TMEM273: variants seen among roughly 807,000 people sequenced by gnomAD.
The protein encoded by TMEM273 is transmembrane protein 273.
A neutral mutation model predicts 17.9 loss-of-function variants in TMEM273; 19 were observed. The ratio of observed to expected loss-of-function variants is 1.06; its 90% confidence interval spans 0.74 to 1.55. The LOEUF (loss-of-function observed/expected upper bound fraction) is 1.55. Among genes scored for constraint, TMEM273 ranks in the 40% most tolerant of loss-of-function variants. The probability of loss-of-function intolerance (pLI) is 0.00; values close to 1 mark genes in which losing one functional copy is unlikely to be tolerated. For synonymous variants in TMEM273, 66 were observed against 62.0 expected (o/e 1.07, Z -0.31); for missense variants, 194 against 155.6 (o/e 1.25, Z -1.31).
chr10:49,167,765 G>T, intron 2 of TMEM273, 144 bp downstream of exon 2: 2 of 994,932 alleles, frequency 2.0e-6, no homozygotes, highest in Non-Finnish European at 3.0e-6. Context: ...CAGCTGCTCT[G>T]GGGGACCTGG....
intron 4 of TMEM273, 83 bp from the exon 5 acceptor site, chr10:49,165,366 G>A (rs991202939): frequency 9.1e-6 from 14 of 1,545,716 alleles, no homozygotes; most frequent in African/African-American, 1.4e-5. Context: ...TGGGCTCTGT[G>A]CAGAAGAGCA....
chr10:49,173,544 C>T lies in TMEM273; in HGVS notation c.44-5582G>A, dbSNP rs538596836. Among the ~76,000 whole-genome samples, 4 of 152,316 alleles carry T rather than the reference C, an allele frequency of 2.6e-5. No individual in the cohort carries two copies. The East Asian group carries it at 7.7e-4, about 29-fold the overall frequency. ...CCTTCAAAGCCACTCCTCTGAAAGT[C>T]CCCCTTGCTCTCGTCAGTCCAGGAT... is the stretch of plus-strand genomic sequence containing the variant. On this transcript the variant is annotated intron_variant, in intron 1 of 6. Coordinates refer to ENST00000374153, the MANE Select transcript of TMEM273 (RefSeq NM_001288740.3).
intron 1 of TMEM273, among the ~76,000 whole-genome samples, chr10:49,183,821 T>A (rs1847501402): frequency 1.3e-5 from 2 of 152,228 alleles, no homozygotes; most frequent in South Asian, 4.1e-4. Context: ...AGTGAAATTT[T>A]ATCACACTTT....
intron 4 of TMEM273, 71 bp from the exon 5 acceptor site, chr10:49,165,354 C>T (rs925813609): frequency 3.0e-5 from 46 of 1,549,272 alleles, no homozygotes; most frequent in African/African-American, 2.5e-4. Flanking sequence ...TCCCTGAGGA[C>T]GTGGGCTCTG....
At position 49,166,945 on chromosome 10, in the gene TMEM273, C is replaced by T; in HGVS notation, c.162G>A (p.Leu54=). Residue 54 remains leucine, a synonymous_variant, in exon 3 of 7, where the codon CTG becomes CTA. Coordinates refer to ENST00000374153, the MANE Select transcript of TMEM273 (RefSeq NM_001288740.3). The part of the protein sequence containing the change: ...GVAISAGFLA[L]KICMIRRHLF... ...AGTGCCTCCTGATCATGCAGATCTT[C>T]AGGGCCAGGAAGCCAGCAGATATGG... The T allele has an allele frequency of 6.2e-7, 1 of 1,614,184 alleles. No homozygotes were observed. The highest frequency in any genetic ancestry group is 1.1e-5 in the South Asian group (1 of 91,080).
intron 1 of TMEM273, among the ~76,000 whole-genome samples, chr10:49,177,422 G>A (rs748077506): frequency 1.4e-4 from 21 of 152,234 alleles, no homozygotes; most frequent in Admixed American, 7.8e-4. Context: ...GTGCTGACCC[G>A]GTTCCTGAAC....
intron 5 of TMEM273, among the ~76,000 whole-genome samples, chr10:49,163,573 T>C (rs1845983622): frequency 6.6e-6 from 1 of 152,186 alleles, no homozygotes; most frequent in Non-Finnish European, 1.5e-5. Flanking sequence ...GTGCAACTTT[T>C]ACAGAGCCTC....
Position 49,165,766 on chromosome 10 carries a change from C to T in TMEM273, c.269G>A (p.Arg90Lys), listed in dbSNP as rs768279430. 1.2e-6 allele frequency: 2 copies of T among 1,614,158 alleles called. No individual in the cohort carries two copies. Among genetic ancestry groups the T allele is most frequent in the Non-Finnish European group, 8.5e-7 (1 of 1,180,014 alleles). ...DTIPLKKRAP[R>K]KLQASTLFSF... The stretch of plus-strand genomic sequence containing the variant: ...CTGACTGTGTGGGCAGTGACCTTAC[C>T]TTGGGGCTCTCTTCTTTAGCGGGAT... The change falls in exon 4 of 7, where the codon AGA becomes AAA. Residue 90 changes from arginine (R) to lysine (K), a missense_variant and splice_region_variant. By Grantham distance (26) the Arg-to-Lys change is conservative. Transcript: ENST00000374153.
At chr10:49,174,825 C>T (rs1846843805) in intron 1 of TMEM273, among the ~76,000 whole-genome samples, 1 of 152,164 alleles carries the variant, frequency 6.6e-6, no homozygotes, top group African/African-American at 2.4e-5. Context: ...ACTTGCTTGG[C>T]AACTCCAGCT....
intron 1 of TMEM273, among the ~76,000 whole-genome samples, chr10:49,173,692 T>C (rs1846740171): frequency 6.6e-6 from 1 of 152,174 alleles, no homozygotes; most frequent in Admixed American, 6.5e-5. Context: ...AGATGATGCA[T>C]GAGAGCCCTC....
chr10:49,170,681 C>A (rs558802172), intron 1 of TMEM273, among the ~76,000 whole-genome samples: 2 of 152,310 alleles, frequency 1.3e-5, no homozygotes, highest in South Asian at 4.1e-4. Context: ...GCCCTTCCTG[C>A]GAGCCAGCCC....
intron 5 of TMEM273, among the ~76,000 whole-genome samples, chr10:49,163,331 T>G (rs1349899477): frequency 2.8e-5 from 4 of 140,930 alleles, no homozygotes; most frequent in African/African-American, 8.0e-5. Context: ...GAGAGAGAGA[T>G]GGGACATATG....
At chr10:49,176,630 T>C (rs1332781296) in intron 1 of TMEM273, among the ~76,000 whole-genome samples, 1 of 152,196 alleles carries the variant, frequency 6.6e-6, no homozygotes, top group East Asian at 1.9e-4. Context: ...TGGGAAGCAT[T>C]GCTCTGGAGT....
chr10:49,186,094 A>G (rs1347276062), intron 1 of TMEM273, among the ~76,000 whole-genome samples: 1 of 149,888 alleles, frequency 6.7e-6, no homozygotes, highest in African/African-American at 2.5e-5. Flanking sequence ...GAAGAAGAAG[A>G]AGAAGAAGAA....
chr10:49,167,645 G>A (rs1846279983), intron 2 of TMEM273, among the ~76,000 whole-genome samples: 1 of 152,362 alleles, frequency 6.6e-6, no homozygotes, highest in East Asian at 1.9e-4. Context: ...GCCCATGGCT[G>A]TGGGACAGGG....
intron 1 of TMEM273, among the ~76,000 whole-genome samples, chr10:49,186,034 AAAAAG>A (rs1590264625): frequency 7.0e-6 from 1 of 142,928 alleles, no homozygotes; most frequent in Admixed American, 7.2e-5. Flanking sequence ...GAAGAAGAAG[AAAAAG>A]AAGAAGAAGA....
At chr10:49,165,645 T>C in intron 4 of TMEM273, 121 bp downstream of exon 4, 2 of 1,430,140 alleles carry the variant, frequency 1.4e-6, no homozygotes, top group South Asian at 1.2e-5. Context: ...AGGTGCATTC[T>C]AGTCACCTAG....
chr10:49,184,788 G>A (rs1350118919), intron 1 of TMEM273, among the ~76,000 whole-genome samples: 7 of 152,234 alleles, frequency 4.6e-5, no homozygotes, highest in Non-Finnish European at 7.3e-5. Flanking sequence ...GTTCCAGGAG[G>A]TGGGGCGAGA....
chr10:49,155,069 A>G lies in TMEM273; in HGVS notation c.*823T>C, dbSNP rs1245811170. 1 of 152,264 alleles carries G rather than the reference A, an allele frequency of 6.6e-6. No homozygotes were observed. Among genetic ancestry groups the G allele is most frequent in the Non-Finnish European group, 1.5e-5 (1 of 68,058 alleles). The allele number at this position is 152,264 out of a possible 1,614,324, so 9.4% of individuals were successfully genotyped here. On this transcript the variant is annotated 3_prime_UTR_variant, in exon 7 of 7. Transcript: ENST00000374153. ...CTCACGGGGCCTTAGCCTGATGGCA[A>G]TTGTAGAATGTCATGGCTTTCCTCA...
Sources: allele counts gnomAD v4.1 joint callset (sites outside exome capture counted in the v4.1 genomes callset), GRCh38; gene constraint gnomAD v4.1.1; transcripts MANE v1.5; gene names NCBI Gene and HGNC (gene_info 2026-07-23, HGNC 2026-07-21).